Variants in ASIC2 observed in about 807,000 individuals in gnomAD.
ASIC2 encodes acid sensing ion channel subunit 2, also known as acid-sensing ion channel 2.
A neutral mutation model predicts 57.3 loss-of-function variants in ASIC2; 25 were observed. That is an observed-to-expected ratio of 0.44 (90% CI 0.32 to 0.61). ASIC2 has a LOEUF of 0.61. ASIC2 is among the 20% of genes least tolerant of loss of function. ASIC2 has a pLI of 0.06. For synonymous variants in ASIC2, 319 were observed against 307.5 expected, an observed-to-expected ratio of 1.04 and a Z score of -0.39; for missense variants, 641 against 738.1, an observed-to-expected ratio of 0.87 and a Z score of 1.52.
intron 1 of ASIC2, chr17:34,080,926 A>T (rs1411980027): frequency 6.6e-6 from 1 of 152,212 alleles, no homozygotes; most frequent in East Asian, 1.9e-4. Flanking sequence ...TGGAAAAATT[A>T]GTCCCTGCTC....
At chr17:33,743,694 G>A (rs916647256) in intron 1 of ASIC2, among the ~76,000 whole-genome samples, 4 of 152,198 alleles carry the variant, frequency 2.6e-5, no homozygotes, top group Non-Finnish European at 5.9e-5. Flanking sequence ...ATCACAACAC[G>A]AGCTCTTTCC....
intron 1 of ASIC2, among the ~76,000 whole-genome samples, chr17:33,576,232 T>A (rs1916616777): frequency 6.6e-6 from 1 of 152,208 alleles, no homozygotes; most frequent in African/African-American, 2.4e-5. Flanking sequence ...TCCTTGCACT[T>A]GTGCCTCTGT....
intron 1 of ASIC2, among the ~76,000 whole-genome samples, chr17:33,119,154 T>G (rs1597587161): frequency 6.6e-6 from 1 of 152,200 alleles, no homozygotes; most frequent in East Asian, 1.9e-4. Flanking sequence ...CCTGCAAGCA[T>G]CAAACCTTCT....
At chr17:33,168,218 T>C (rs1905376546) in intron 1 of ASIC2, among the ~76,000 whole-genome samples, 1 of 152,238 alleles carries the variant, frequency 6.6e-6, no homozygotes, top group Non-Finnish European at 1.5e-5. Flanking sequence ...TTTAGTTCTT[T>C]ATAAATTATG....
At chr17:33,610,483 C>G (rs1428996010) in intron 1 of ASIC2, among the ~76,000 whole-genome samples, 2 of 152,160 alleles carry the variant, frequency 1.3e-5, no homozygotes, top group Admixed American at 1.3e-4. Context: ...AATTTTGCCT[C>G]TTAACCTGGG....
intron 1 of ASIC2, among the ~76,000 whole-genome samples, chr17:33,635,962 A>T (rs536265802): frequency 6.6e-6 from 1 of 152,388 alleles, no homozygotes; most frequent in Non-Finnish European, 1.5e-5. Context: ...GAGCCCATGC[A>T]TACAAAGTAA....
intron 1 of ASIC2, among the ~76,000 whole-genome samples, chr17:33,320,685 C>T (rs1159922595): frequency 2.0e-5 from 3 of 152,144 alleles, no homozygotes; most frequent in African/African-American, 4.8e-5. Flanking sequence ...AACTCTTAAG[C>T]CATGATGTGT....
chr17:33,510,177 G>C (rs1597757470), intron 1 of ASIC2, among the ~76,000 whole-genome samples: 2 of 152,290 alleles, frequency 1.3e-5, no homozygotes, highest in East Asian at 3.9e-4. Flanking sequence ...CAGCAGGTGG[G>C]TTGGGCCAGA....
intron 1 of ASIC2, among the ~76,000 whole-genome samples, chr17:33,515,047 T>C (rs1268132332): frequency 2.0e-5 from 3 of 152,328 alleles, no homozygotes; most frequent in East Asian, 1.9e-4. Context: ...CAGCCTGTCA[T>C]AGGTGCCAGT....
At chr17:33,826,349 T>C (rs950251244) in intron 1 of ASIC2, among the ~76,000 whole-genome samples, 23 of 152,280 alleles carry the variant, frequency 1.5e-4, no homozygotes, top group African/African-American at 5.3e-4. Context: ...AGACATCCCT[T>C]TTTGGGGGAG....
chr17:33,275,393 C>T (rs998143511), intron 1 of ASIC2, among the ~76,000 whole-genome samples: 11 of 152,234 alleles, frequency 7.2e-5, no homozygotes, highest in African/African-American at 2.7e-4. Flanking sequence ...CTGCAGCTTA[C>T]TTGTCTGGCC....
intron 1 of ASIC2, among the ~76,000 whole-genome samples, chr17:33,118,040 G>C (rs566400328): frequency 6.6e-6 from 1 of 152,244 alleles, no homozygotes; most frequent in African/African-American, 2.4e-5. Context: ...GGATTCCTGG[G>C]GGCCAAGGAG....
chr17:33,530,528 A>T (rs16968499), intron 1 of ASIC2, among the ~76,000 whole-genome samples: 1 of 152,200 alleles, frequency 6.6e-6, no homozygotes, highest in African/African-American at 2.4e-5. Context: ...TAATGAAACC[A>T]CTTAATTGGC....
chr17:33,312,840 G>A (rs1328838208), intron 1 of ASIC2, among the ~76,000 whole-genome samples: 2 of 152,174 alleles, frequency 1.3e-5, no homozygotes, highest in African/African-American at 4.8e-5. Context: ...GGAAGCCGAG[G>A]CAGGAGAATC....
intron 1 of ASIC2, among the ~76,000 whole-genome samples, chr17:33,183,899 T>G (rs1329776204): frequency 1.3e-5 from 2 of 152,216 alleles, no homozygotes; most frequent in Non-Finnish European, 2.9e-5. Context: ...CTGGCTCTGT[T>G]ACCTCCTAGC....
At chr17:33,130,170 C>T (rs768070695) in intron 1 of ASIC2, among the ~76,000 whole-genome samples, 57 of 151,986 alleles carry the variant, frequency 3.8e-4, no homozygotes, top group Non-Finnish European at 7.2e-4. Context: ...GGGTTCAGCA[C>T]AAAAATTTCC....
intron 1 of ASIC2, among the ~76,000 whole-genome samples, chr17:33,347,093 C>T (rs759783086): frequency 1.4e-4 from 21 of 151,834 alleles, no homozygotes; most frequent in African/African-American, 1.9e-4. Context: ...GAGGAATGGA[C>T]GGTGAGTGGG....
intron 1 of ASIC2, among the ~76,000 whole-genome samples, chr17:33,311,842 ACT>A (rs1046533943): frequency 1.3e-5 from 2 of 151,560 alleles, no homozygotes; most frequent in African/African-American, 4.9e-5. Context: ...CCTGGTTTCG[ACT>A]CTCATCTTTT....
chr17:33,158,620 C>T (rs1002373661), intron 1 of ASIC2, among the ~76,000 whole-genome samples: 1 of 152,210 alleles, frequency 6.6e-6, no homozygotes, highest in African/African-American at 2.4e-5. Flanking sequence ...GCCTACTTCT[C>T]AGCAACCTAT....
Sources: gnomAD v4.1 joint callset for allele counts (sites outside exome capture counted in the v4.1 genomes callset) on GRCh38, gnomAD v4.1.1 for gene constraint, MANE v1.5 for transcripts, NCBI Gene and HGNC (gene_info 2026-07-23, HGNC 2026-07-21) for gene names.